Variants in SEMA4B observed in about 807,000 individuals in gnomAD.
SEMA4B encodes semaphorin-4B.
A neutral mutation model predicts 88.1 loss-of-function variants in SEMA4B; 55 were observed. That is an observed-to-expected ratio of 0.62 (90% CI 0.50 to 0.78). SEMA4B has a LOEUF of 0.78. Among genes scored for constraint, SEMA4B ranks in the 30% least tolerant of loss-of-function variants. The pLI is 0.00. For missense variants in SEMA4B, 1,062 were observed against 1,111.9 expected, an observed-to-expected ratio of 0.96 and a Z score of 0.64; for synonymous variants, 525 against 473.6, an observed-to-expected ratio of 1.11 and a Z score of -1.41.
intron 1 of SEMA4B, chr15:90,206,627 G>A: frequency 3.2e-6 from 2 of 625,794 alleles, no homozygotes; most frequent in East Asian, 2.8e-5. Context: ...TGCTTTACAA[G>A]AGCTGTTGAA....
chr15:90,225,993 A>T lies in SEMA4B; in HGVS notation c.1688+166A>T, dbSNP rs546441436. On this transcript the variant is annotated intron_variant, in intron 12 of 13. Coordinates refer to ENST00000411539, the MANE Select transcript of SEMA4B (RefSeq NM_198925.4). The stretch of plus-strand genomic sequence containing the variant: ...GCTTCCTCTCAAGTGCAATTCAGAC[A>T]GGAAATTGTGTGTTTATCTTGGCTA... 7.9e-5 allele frequency among the ~76,000 whole-genome samples: 12 copies of T among 152,330 alleles called. No homozygotes were observed. The South Asian group carries it at 2.5e-3, about 32-fold the overall frequency.
chr15:90,222,312 G>A (rs1961904109), intron 7 of SEMA4B, among the ~76,000 whole-genome samples: 1 of 142,604 alleles, frequency 7.0e-6, no homozygotes, highest in Non-Finnish European at 1.5e-5. Context: ...GCTCACGCCT[G>A]TAATCCCAGC....
chr15:90,194,284 T>G (rs1469404280), intron 1 of SEMA4B, among the ~76,000 whole-genome samples: 1 of 151,552 alleles, frequency 6.6e-6, no homozygotes, highest in African/African-American at 2.4e-5. Context: ...GTAATCCCAG[T>G]ACTTTGGGAG....
chr15:90,191,804 G>A (rs56260106), intron 1 of SEMA4B: 26,106 of 152,282 alleles, frequency 0.17, 3,214 homozygotes, highest in East Asian at 0.59. Context: ...GTGCTGACCC[G>A]GGGTGGATGC....
At chr15:90,189,450 A>G (rs1596113656) in intron 1 of SEMA4B, among the ~76,000 whole-genome samples, 1 of 152,180 alleles carries the variant, frequency 6.6e-6, no homozygotes, top group South Asian at 2.1e-4. Context: ...TGAAATGGCA[A>G]TAATAACTGA....
chr15:90,212,126 TCACTTCCTACTCAGAACCC>T lies in SEMA4B; in HGVS notation c.158-5285_158-5267del, dbSNP rs60948450. Among the ~76,000 whole-genome samples the T allele has an allele frequency of 0.72, 107,158 of 149,632 alleles. 39,264 individuals are homozygous for T. The highest frequency in any genetic ancestry group is 0.94 in the East Asian group (4,692 of 4,998). On this transcript the variant is annotated intron_variant, in intron 1 of 13. Transcript: ENST00000411539. This position sits in a 1 kb window ranked among gnomAD's most constrained non-coding sequence, Gnocchi z 4.0. ...GGGCTGAGGGCTGAGTATTCCCACA[TCACTTCCTACTCAGAACCC>T]CACTTCCTACTCAGAACCCCACTTC...
intron 1 of SEMA4B, among the ~76,000 whole-genome samples, chr15:90,211,895 G>C (rs754886299): frequency 1.6e-4 from 24 of 152,170 alleles, no homozygotes; most frequent in Admixed American, 9.2e-4. Context: ...GGATGTTAGG[G>C]CCAGGTCAGC....
intron 1 of SEMA4B, chr15:90,214,939 T>TG: frequency 7.9e-7 from 1 of 1,269,066 alleles, no homozygotes; most frequent in Non-Finnish European, 1.0e-6. Context: ...GGAACCAGGC[T>TG]GGGGGTATGT....
In SEMA4B at chr15:90,229,213, C is replaced by T. The variant is rs1426360420; in HGVS notation, c.*570C>T. On this transcript the variant is annotated 3_prime_UTR_variant, in exon 14 of 14. Coordinates refer to ENST00000411539, the MANE Select transcript of SEMA4B (RefSeq NM_198925.4). Reference sequence around the variant, plus strand: ...TGTTGCTGCCGTCGTCCCACCACCTCAGGGACCAGAGGGCTAGGTTGGCAC... The same window carrying T: ...TGTTGCTGCCGTCGTCCCACCACCTTAGGGACCAGAGGGCTAGGTTGGCAC... 1 of 428,568 alleles carries T rather than the reference C, an allele frequency of 2.3e-6. No individual in the cohort carries two copies. Among genetic ancestry groups the T allele is most frequent in the Non-Finnish European group, 4.7e-6 (1 of 211,086 alleles). 26.5% of individuals were successfully genotyped at this position (428,568 alleles called of 1,614,324 possible). A position where few individuals can be genotyped will look rare whatever the true frequency, so the allele number is the denominator to read the frequency against.
upstream of SEMA4B, among the ~76,000 whole-genome samples, chr15:90,196,430 T>C (rs1372935780): frequency 1.3e-5 from 2 of 152,174 alleles, no homozygotes; most frequent in Admixed American, 6.5e-5. Flanking sequence ...TTCCACCCAA[T>C]GGTTTCCCAT....
At chr15:90,194,414 C>T (rs1214290836) in intron 1 of SEMA4B, among the ~76,000 whole-genome samples, 1 of 152,022 alleles carries the variant, frequency 6.6e-6, no homozygotes, top group Non-Finnish European at 1.5e-5. Flanking sequence ...TGTTTGTAAT[C>T]CCAGCTACTC....
chr15:90,223,847 A>C lies in SEMA4B; in HGVS notation c.1053A>C (p.Gly351=), dbSNP rs2151624259. The C allele has an allele frequency of 6.2e-7, 1 of 1,613,876 alleles. No homozygotes were observed. Among genetic ancestry groups the C allele is most frequent in the East Asian group, 2.2e-5 (1 of 44,864 alleles). The part of the protein sequence containing the change: ...YGVFTSQWHR[G]TTEGSAVCVF... ...GTTATTTCCTCTGCAGGCACAGGGG[A>C]ACTACAGAAGGCTCTGCCGTCTGTG... The change falls in exon 9 of 14, where the codon GGA becomes GGC. Residue 351 remains glycine, a synonymous_variant. Transcript: ENST00000411539.
chr15:90,204,925 G>A (rs767190162), intron 1 of SEMA4B, among the ~76,000 whole-genome samples: 12 of 152,086 alleles, frequency 7.9e-5, no homozygotes, highest in Non-Finnish European at 1.6e-4. Context: ...ACAGGTGCCC[G>A]CCACCATGCT....
In SEMA4B at chr15:90,194,553, A is replaced by G. The variant is rs543431341; in HGVS notation, c.-121-6905A>G. Among the ~76,000 whole-genome samples the G allele has an allele frequency of 9.3e-4, 141 of 152,082 alleles. 1 individual carries two copies. Among genetic ancestry groups the G allele is most frequent in the African/African-American group, 3.3e-3 (136 of 41,520 alleles). On this transcript the variant is annotated intron_variant, in intron 1 of 14. Transcript: ENST00000332496. ...ATCTCAAAAAAAAAACAAAAAACAT[A>G]TTGATCTGTTCTAACCTTGATGGAG...
At chr15:90,226,042 G>C (rs1459791539) in intron 12 of SEMA4B, among the ~76,000 whole-genome samples, 1 of 152,156 alleles carries the variant, frequency 6.6e-6, no homozygotes, top group African/African-American at 2.4e-5. Context: ...GACATGATTT[G>C]GTAAAGTATG....
intron 1 of SEMA4B, among the ~76,000 whole-genome samples, chr15:90,194,400 C>T (rs907397608): frequency 2.6e-5 from 4 of 151,878 alleles, no homozygotes; most frequent in African/African-American, 9.7e-5. Flanking sequence ...GGCGTGGTGG[C>T]GCATGTTTGT....
At chr15:90,211,289 G>A (rs1030924434) in intron 1 of SEMA4B, among the ~76,000 whole-genome samples, 3 of 152,216 alleles carry the variant, frequency 2.0e-5, no homozygotes, top group South Asian at 4.1e-4. Flanking sequence ...TTCTGGCAGA[G>A]GCTCTTCGTC....
intron 6 of SEMA4B, 38 bp downstream of exon 6, chr15:90,221,518 C>G: frequency 1.2e-6 from 2 of 1,606,006 alleles, no homozygotes; most frequent in East Asian, 2.2e-5. Flanking sequence ...GGCAGGGATC[C>G]TGTTCACCCA....
At chr15:90,220,941 C>A in intron 4 of SEMA4B, 41 bp from the exon 5 acceptor site, 2 of 1,334,200 alleles carry the variant, frequency 1.5e-6, no homozygotes, top group Non-Finnish European at 2.1e-6. Context: ...GCTCCTCATT[C>A]CCTGGAGTGC....
Sources: gnomAD v4.1 joint callset for allele counts (sites outside exome capture counted in the v4.1 genomes callset) on GRCh38, gnomAD v4.1.1 for gene constraint, Gnocchi (gnomAD v3.1) non-coding constraint, MANE v1.5 for transcripts, NCBI Gene and HGNC (gene_info 2026-07-23, HGNC 2026-07-21) for gene names.